Variants in SLCO2A1 observed in about 807,000 individuals in gnomAD.
The protein encoded by SLCO2A1 is solute carrier organic anion transporter family member 2A1, also known as matrin F/G 1.
In SLCO2A1, 60 loss-of-function variants were observed where a neutral mutation model predicts 71.7. The ratio of observed to expected loss-of-function variants is 0.84; its 90% CI spans 0.68 to 1.04. The LOEUF (loss-of-function observed/expected upper bound fraction) is 1.04. SLCO2A1 is among the 50% of genes least tolerant of loss of function. SLCO2A1 has a pLI of 0.00. For missense variants in SLCO2A1, 745 were observed against 813.4 expected, an observed-to-expected ratio of 0.92 and a Z score of 1.02; for synonymous variants, 308 against 326.7, an observed-to-expected ratio of 0.94 and a Z score of 0.62.
intron 1 of SLCO2A1, among the ~76,000 whole-genome samples, chr3:133,982,275 G>A (rs10049390): frequency 0.66 from 100,790 of 151,950 alleles, 33,887 homozygotes; most frequent in Non-Finnish European, 0.73. Context: ...TCCTCCTCTA[G>A]CCACTCCCTA....
intron 12 of SLCO2A1, 129 bp from the exon 13 acceptor site, chr3:133,936,026 A>G (rs1933263157): frequency 2.1e-6 from 2 of 934,688 alleles, no homozygotes; most frequent in Admixed American, 3.7e-5. Flanking sequence ...CATAGGACTC[A>G]CAGTGACTCT....
intron 3 of SLCO2A1, among the ~76,000 whole-genome samples, chr3:133,963,262 G>T (rs1934085726): frequency 6.6e-6 from 1 of 152,210 alleles, no homozygotes; most frequent in African/African-American, 2.4e-5. Context: ...AACCTCCAGA[G>T]ATGGGGTAGA....
At position 133,991,547 on chromosome 3, in the gene SLCO2A1, G is replaced by GT. The variant is rs371519586; in HGVS notation, c.97-11930dup. ...ATAGCAATGACAAAAGGTATCTTTA[G>GT]TATTATTCATTTTATTATGAATTAG... On this transcript the variant is annotated intron_variant, in intron 1 of 13. Coordinates refer to ENST00000310926, the MANE Select transcript of SLCO2A1 (RefSeq NM_005630.3). Among the ~76,000 whole-genome samples, 321 of 152,368 alleles carry GT rather than the reference G, an allele frequency of 2.1e-3. 1 individual carries two copies. Among genetic ancestry groups the GT allele is most frequent in the African/African-American group, 7.0e-3 (289 of 41,580 alleles).
rs1234375625 is a variant in SLCO2A1, at chr3:133,973,690, G to T, written c.370C>A (p.Pro124Thr). The T allele has an allele frequency of 8.7e-6, 14 of 1,613,912 alleles. No homozygotes were observed. Among genetic ancestry groups the T allele is most frequent in the Non-Finnish European group, 1.2e-5 (14 of 1,180,048 alleles). The part of the protein sequence containing the change: ...ILTLPHFLSE[P>T]YQYTLASTGN... Reference sequence around the variant, plus strand: ...GTGCTGGCCAAGGTGTACTGGTAGGGCTCGGAGAGGAAGTGTGGGAGGGTG... The same window carrying T: ...GTGCTGGCCAAGGTGTACTGGTAGGTCTCGGAGAGGAAGTGTGGGAGGGTG... Residue 124 changes from proline (P) to threonine (T), a missense_variant, in exon 3 of 14, where the codon CCC becomes ACC. Coordinates refer to ENST00000310926, the MANE Select transcript of SLCO2A1 (RefSeq NM_005630.3).
chr3:133,951,328 G>A lies in SLCO2A1; in HGVS notation c.741C>T (p.Val247=). The A allele has an allele frequency of 2.5e-6, 4 of 1,614,098 alleles. No individual in the cohort carries two copies. Among genetic ancestry groups the A allele is most frequent in the Non-Finnish European group, 3.4e-6 (4 of 1,180,010 alleles). ...GRVNTAAVNL[V]PGDPRWIGAW... ...CTCCAATCCATCGGGGGTCACCCGGGACCAAGTTAACTGCAGCTGAAGAGA... is the reference window on the plus strand; with the variant it reads ...CTCCAATCCATCGGGGGTCACCCGGAACCAAGTTAACTGCAGCTGAAGAGA... Residue 247 remains valine, a synonymous_variant, in exon 6 of 14, where the codon GTC becomes GTT. Coordinates refer to ENST00000310926, the MANE Select transcript of SLCO2A1 (RefSeq NM_005630.3).
rs112256673 is a variant in SLCO2A1, at chr3:133,979,810, T to C, written c.97-192A>G. On this transcript the variant is annotated intron_variant, in intron 1 of 13. Coordinates refer to ENST00000310926, the MANE Select transcript of SLCO2A1 (RefSeq NM_005630.3). ...TGTTGCACCCTACAGGAAGCACTCC[T>C]AAAGTGCTAGCCATTCCTGTTATTA... is the stretch of plus-strand genomic sequence containing the variant. Among the ~76,000 whole-genome samples the C allele has an allele frequency of 9.2e-3, 1,402 of 152,276 alleles. 23 individuals are homozygous for C. The highest frequency in any genetic ancestry group is 0.032 in the African/African-American group (1,310 of 41,538).
At chr3:133,995,614 C>T (rs1245814539) in intron 1 of SLCO2A1, among the ~76,000 whole-genome samples, 1 of 152,142 alleles carries the variant, frequency 6.6e-6, no homozygotes, top group African/African-American at 2.4e-5. Context: ...GGGCACTGAG[C>T]CCAGATTGCA....
chr3:133,959,779 T>C (rs1473186785), intron 3 of SLCO2A1, among the ~76,000 whole-genome samples: 1 of 151,718 alleles, frequency 6.6e-6, no homozygotes, highest in Non-Finnish European at 1.5e-5. Flanking sequence ...TGAGCCAAGA[T>C]CCTGCCACTG....
intron 2 of SLCO2A1, among the ~76,000 whole-genome samples, chr3:133,976,994 C>T (rs1229035231): frequency 6.6e-6 from 1 of 152,220 alleles, no homozygotes; most frequent in African/African-American, 2.4e-5. Flanking sequence ...AAGCTGCAGA[C>T]TGAAGGTTCA....
chr3:133,967,709 G>A (rs760840210), intron 3 of SLCO2A1, among the ~76,000 whole-genome samples: 1 of 151,164 alleles, frequency 6.6e-6, no homozygotes, highest in Non-Finnish European at 1.5e-5. Context: ...GCTCCACCCC[G>A]CCCTCCACCA....
intron 1 of SLCO2A1, among the ~76,000 whole-genome samples, chr3:133,983,683 G>T (rs1381338336): frequency 6.6e-6 from 1 of 152,242 alleles, no homozygotes; most frequent in East Asian, 1.9e-4. Flanking sequence ...ATGGAGATCA[G>T]TTGTGTGTCT....
chr3:133,949,093 G>C, intron 6 of SLCO2A1, 122 bp from the exon 7 acceptor site: 1 of 759,788 alleles, frequency 1.3e-6, no homozygotes, highest in Non-Finnish European at 2.3e-6. Context: ...CCCTCCAGGC[G>C]TGTGTGCATG....
intron 1 of SLCO2A1, among the ~76,000 whole-genome samples, chr3:134,014,662 G>A (rs545265560): frequency 6.6e-6 from 1 of 152,296 alleles, no homozygotes; most frequent in South Asian, 2.1e-4. Context: ...GAATCTGAGA[G>A]TCTGAAAGGA....
rs150153024 is a variant in SLCO2A1 at position 133,951,246 on chromosome 3, A to T, written c.823T>A (p.Phe275Ile). 1.9e-6 allele frequency: 3 copies of T among 1,614,052 alleles called. No individual in the cohort carries two copies. Among genetic ancestry groups the T allele is most frequent in the Non-Finnish European group, 8.5e-7 (1 of 1,179,946 alleles). ...GGCATTGCTCGAGGGAAGAAAAAAA[A>T]GGGGAAAGAGGTGAGAACCAATAAA... is the stretch of plus-strand genomic sequence containing the variant. ...SALLVLTSFP[F>I]FFFPRAMPIG... The change falls in exon 6 of 14, where the codon TTT becomes ATT. Residue 275 changes from phenylalanine to isoleucine, a missense_variant. Transcript: ENST00000310926.
At chr3:133,970,171 G>A (rs1052447141) in intron 3 of SLCO2A1, among the ~76,000 whole-genome samples, 1 of 152,158 alleles carries the variant, frequency 6.6e-6, no homozygotes, top group African/African-American at 2.4e-5. Context: ...ACCACCGTGG[G>A]GACAAAAGCC....
At chr3:133,990,327 T>C (rs924147302) in intron 1 of SLCO2A1, among the ~76,000 whole-genome samples, 4 of 152,248 alleles carry the variant, frequency 2.6e-5, no homozygotes, top group South Asian at 2.1e-4. Flanking sequence ...AGTTTCATTA[T>C]AATGAAAGTG....
At chr3:133,961,865 AG>A (rs1318570711) in intron 3 of SLCO2A1, among the ~76,000 whole-genome samples, 2 of 152,154 alleles carry the variant, frequency 1.3e-5, no homozygotes, top group African/African-American at 4.8e-5. Flanking sequence ...CATATAAAAA[AG>A]GGAACAGCAG....
At chr3:133,935,063 A>C (rs1933235249) in intron 13 of SLCO2A1, among the ~76,000 whole-genome samples, 1 of 152,132 alleles carries the variant, frequency 6.6e-6, no homozygotes, top group African/African-American at 2.4e-5. Context: ...TCATCCCTCC[A>C]CTGGCTCTTT....
At chr3:134,022,551 A>G (rs189678849) in intron 1 of SLCO2A1, among the ~76,000 whole-genome samples, 11 of 152,330 alleles carry the variant, frequency 7.2e-5, no homozygotes, top group Admixed American at 6.5e-4. Flanking sequence ...ACATTAAAGT[A>G]AAAGCATAAC....
Sources: gnomAD v4.1 joint callset for allele counts (sites outside exome capture counted in the v4.1 genomes callset) on GRCh38, gnomAD v4.1.1 for gene constraint, MANE v1.5 for transcripts, NCBI Gene and HGNC (gene_info 2026-07-23, HGNC 2026-07-21) for gene names.